The following ZNF385D variants were observed in gnomAD, a reference collection of about 807,000 sequenced individuals.
The protein encoded by ZNF385D is zinc finger protein 385D.
In ZNF385D, 15 loss-of-function variants were observed where a neutral mutation model predicts 35.8. The observed-to-expected ratio is 0.42, with a 90% CI of 0.28 to 0.64. The LOEUF is 0.64. Among genes scored for constraint, ZNF385D ranks in the 30% least tolerant of loss-of-function variants. The pLI is 0.23. For missense variants in ZNF385D, 474 were observed against 494.6 expected, an observed-to-expected ratio of 0.96 and a Z score of 0.39; for synonymous variants, 212 against 186.8, an observed-to-expected ratio of 1.13 and a Z score of -1.10.
At chr3:21,910,905 C>T (rs1200789781) in intron 3 of ZNF385D, among the ~76,000 whole-genome samples, 1 of 151,730 alleles carries the variant, frequency 6.6e-6, no homozygotes, top group East Asian at 1.9e-4. Context: ...TGTTTGATAA[C>T]TATTTTATAT....
intron 2 of ZNF385D, among the ~76,000 whole-genome samples, chr3:21,578,694 G>T (rs986063828): frequency 6.6e-6 from 1 of 151,966 alleles, no homozygotes. Flanking sequence ...TGGTTGATAC[G>T]CCTGCTTTCA....
chr3:21,425,193 G>A (rs1048667138), intron 6 of ZNF385D, among the ~76,000 whole-genome samples: 1 of 152,290 alleles, frequency 6.6e-6, no homozygotes, highest in Middle Eastern at 3.4e-3. Context: ...GAAAAGACCT[G>A]ATATCCCTTC....
chr3:22,183,016 A>T (rs1030409593), intron 2 of ZNF385D, among the ~76,000 whole-genome samples: 4 of 152,134 alleles, frequency 2.6e-5, no homozygotes, highest in Non-Finnish European at 5.9e-5. Context: ...ATTGTAAAAA[A>T]CTGGGTTTCT....
chr3:22,295,295 G>A (rs62247264), intron 2 of ZNF385D, among the ~76,000 whole-genome samples: 1 of 151,994 alleles, frequency 6.6e-6, no homozygotes, highest in Non-Finnish European at 1.5e-5. Flanking sequence ...TAACATTCTA[G>A]AAAAAGTTTC....
At chr3:21,526,904 G>A (rs756334787) in intron 3 of ZNF385D, among the ~76,000 whole-genome samples, 3 of 152,082 alleles carry the variant, frequency 2.0e-5, no homozygotes, top group African/African-American at 4.8e-5. Flanking sequence ...CTACTAATAG[G>A]TATTTCCATA....
At chr3:21,573,313 A>G (rs1448684275) in intron 2 of ZNF385D, among the ~76,000 whole-genome samples, 3 of 152,212 alleles carry the variant, frequency 2.0e-5, no homozygotes, top group Non-Finnish European at 4.4e-5. Flanking sequence ...GGCCAGTAAA[A>G]ATACAAAATG....
intron 3 of ZNF385D, among the ~76,000 whole-genome samples, chr3:21,823,188 G>A (rs367709279): frequency 3.3e-5 from 5 of 152,128 alleles, no homozygotes; most frequent in East Asian, 1.9e-4. Context: ...AACTTTAAAA[G>A]ACTGTGTAAT....
chr3:21,825,570 T>G (rs1694553408), intron 3 of ZNF385D, among the ~76,000 whole-genome samples: 1 of 152,180 alleles, frequency 6.6e-6, no homozygotes, highest in Admixed American at 6.5e-5. Context: ...ATTTTCACTC[T>G]GCATTCTTCA....
intron 3 of ZNF385D, among the ~76,000 whole-genome samples, chr3:22,100,635 G>A (rs912984562): frequency 1.1e-4 from 16 of 143,228 alleles, no homozygotes; most frequent in Non-Finnish European, 2.0e-4. Flanking sequence ...ATTGAACAAT[G>A]AGAACACATG....
At chr3:22,272,288 T>C (rs573428962) in intron 2 of ZNF385D, among the ~76,000 whole-genome samples, 1 of 152,140 alleles carries the variant, frequency 6.6e-6, no homozygotes, top group Non-Finnish European at 1.5e-5. Context: ...ATTAGCAGGA[T>C]GCATCATAAT....
intron 1 of ZNF385D, among the ~76,000 whole-genome samples, chr3:21,736,289 T>C (rs1232429581): frequency 6.6e-6 from 1 of 152,208 alleles, no homozygotes; most frequent in East Asian, 1.9e-4. Context: ...GGTGACATCT[T>C]CCTTTTTTTA....
chr3:21,879,004 A>G (rs982531645), intron 3 of ZNF385D, among the ~76,000 whole-genome samples: 5 of 152,050 alleles, frequency 3.3e-5, no homozygotes, highest in African/African-American at 1.2e-4. Flanking sequence ...TGCTGCCAAC[A>G]GTAGTTCTCT....
At chr3:22,258,422 T>C (rs911151283) in intron 2 of ZNF385D, among the ~76,000 whole-genome samples, 5 of 151,788 alleles carry the variant, frequency 3.3e-5, no homozygotes, top group Non-Finnish European at 7.4e-5. Context: ...ACAAATACAT[T>C]TGTTGCTATT....
chr3:22,098,273 T>C (rs1186137645), intron 3 of ZNF385D, among the ~76,000 whole-genome samples: 2 of 152,056 alleles, frequency 1.3e-5, no homozygotes, highest in Non-Finnish European at 2.9e-5. Context: ...GAAGTGACCA[T>C]TCAAGTTGAC....
chr3:21,949,932 A>G (rs147684341), intron 3 of ZNF385D, among the ~76,000 whole-genome samples: 39,415 of 152,008 alleles, frequency 0.26, 5,827 homozygotes, highest in Admixed American at 0.41. Flanking sequence ...TATATGTGCC[A>G]CATTTTCTTT....
At chr3:21,800,345 C>A (rs1023831571) in intron 3 of ZNF385D, among the ~76,000 whole-genome samples, 13 of 152,110 alleles carry the variant, frequency 8.5e-5, no homozygotes, top group Admixed American at 2.0e-4. Context: ...GTAGTACCAA[C>A]CTTAGCAATA....
chr3:22,321,477 T>A (rs532133414), intron 2 of ZNF385D, among the ~76,000 whole-genome samples: 13 of 152,206 alleles, frequency 8.5e-5, no homozygotes, highest in Non-Finnish European at 1.9e-4. Context: ...GCGATTCTCC[T>A]GTCTCAGCCT....
chr3:21,691,703 T>C (rs2067292121), intron 1 of ZNF385D, among the ~76,000 whole-genome samples: 1 of 152,192 alleles, frequency 6.6e-6, no homozygotes, highest in South Asian at 2.1e-4. Context: ...CACAATACTG[T>C]TTTTTAAGTG....
rs1206516337 is a variant in ZNF385D, at chr3:21,603,003, A to C, written c.166-38319T>G. ...AGTCATACCCCCTCTTGCTTCTTTT[A>C]TGCCTCTGTCCATATCAGGAAACTT... On this transcript the variant is annotated intron_variant, in intron 2 of 7. Transcript: ENST00000281523. 2.6e-5 allele frequency among the ~76,000 whole-genome samples: 4 copies of C among 152,288 alleles called. No individual in the cohort carries two copies. In the East Asian group the frequency reaches 5.8e-4, roughly 22 times the overall value.
Sources: gnomAD v4.1 joint callset for allele counts (sites outside exome capture counted in the v4.1 genomes callset) on GRCh38, gnomAD v4.1.1 for gene constraint, MANE v1.5 for transcripts, NCBI Gene and HGNC (gene_info 2026-07-23, HGNC 2026-07-21) for gene names.